Variants in RB1 observed in about 807,000 individuals in gnomAD.
The protein encoded by RB1 is RB transcriptional corepressor 1, also known as retinoblastoma-associated protein.
RB1 carries 18 observed loss-of-function variants against 135.4 expected under a neutral mutation model. The ratio of observed to expected loss-of-function variants is 0.13; its 90% CI spans 0.09 to 0.20. The LOEUF (loss-of-function observed/expected upper bound fraction) is 0.20. Ranked by LOEUF, RB1 falls within the 10% of genes least tolerant of loss-of-function variation. The probability of loss-of-function intolerance (pLI) is 1.00; values close to 1 mark genes in which losing one functional copy is unlikely to be tolerated. For missense variants in RB1, 868 were observed against 1,110.0 expected (o/e 0.78, Z 3.10); for synonymous variants, 365 against 373.2 (o/e 0.98, Z 0.25).
At chr13:48,313,429 GA>G (rs1952150040) in intron 2 of RB1, among the ~76,000 whole-genome samples, 1 of 150,680 alleles carries the variant, frequency 6.6e-6, no homozygotes, top group Non-Finnish European at 1.5e-5. Context: ...TTGTATCTAA[GA>G]AGGCCTTGAC....
At chr13:48,337,289 T>G (rs1952394134) in intron 2 of RB1, among the ~76,000 whole-genome samples, 1 of 152,178 alleles carries the variant, frequency 6.6e-6, no homozygotes, top group African/African-American at 2.4e-5. Context: ...TGTTAAAGTC[T>G]CCCATTATTA....
chr13:48,394,525 C>T (rs1384262184), intron 17 of RB1, among the ~76,000 whole-genome samples: 1 of 152,196 alleles, frequency 6.6e-6, no homozygotes, highest in African/African-American at 2.4e-5. Flanking sequence ...GCTGCCATCA[C>T]AGCAGTCTGA....
chr13:48,431,324 T>G (rs1372360280), intron 17 of RB1, among the ~76,000 whole-genome samples: 1 of 152,310 alleles, frequency 6.6e-6, no homozygotes, highest in South Asian at 2.1e-4. Flanking sequence ...CTTTTCTTTT[T>G]ATTATAGATG....
At chr13:48,408,576 T>G (rs2138191742) in intron 17 of RB1, 1 of 152,168 alleles carries the variant, frequency 6.6e-6, no homozygotes, top group Middle Eastern at 3.4e-3. Flanking sequence ...TAGGTTTTTC[T>G]GAATAAAGGG....
At chr13:48,369,682 C>G (rs1952738329) in intron 11 of RB1, among the ~76,000 whole-genome samples, 1 of 152,142 alleles carries the variant, frequency 6.6e-6, no homozygotes, top group Non-Finnish European at 1.5e-5. Flanking sequence ...TTTTGAAAAC[C>G]CTCGTACTTG....
intron 17 of RB1, among the ~76,000 whole-genome samples, chr13:48,428,619 A>G (rs1171560705): frequency 6.6e-6 from 1 of 152,258 alleles, no homozygotes; most frequent in African/African-American, 2.4e-5. Flanking sequence ...TTAAAACACT[A>G]AATTCTAACA....
At position 48,367,517 on chromosome 13, in the gene RB1, C is replaced by T. The variant is rs377235036; in HGVS notation, c.963C>T (p.Tyr321=). Residue 321 remains tyrosine, a synonymous_variant, in exon 10 of 27, where the codon TAC becomes TAT. Coordinates refer to ENST00000267163, the MANE Select transcript of RB1 (RefSeq NM_000321.3). The stretch of plus-strand genomic sequence containing the variant: ...AGGTTGAAAATCTTTCTAAACGATA[C>T]GAAGAAATTTATCTTAAAAATAAAG... ...LPEVENLSKR[Y]EEIYLKNKDL... 29 of 1,603,250 alleles carry T rather than the reference C, an allele frequency of 1.8e-5. No homozygotes were observed. The highest frequency in any genetic ancestry group is 3.3e-4 in the Middle Eastern group (2 of 6,024).
intron 17 of RB1, among the ~76,000 whole-genome samples, chr13:48,435,066 A>T (rs1368431990): frequency 1.3e-5 from 2 of 152,214 alleles, no homozygotes; most frequent in African/African-American, 2.4e-5. Context: ...TTTCTCTGGG[A>T]TAAATGCCTA....
At chr13:48,458,753 A>G (rs1442583848) in intron 19 of RB1, among the ~76,000 whole-genome samples, 1 of 152,214 alleles carries the variant, frequency 6.6e-6, no homozygotes, top group Non-Finnish European at 1.5e-5. Flanking sequence ...TCTTTATATG[A>G]TATTTAAAGT....
rs1949162615 is a variant in RB1, at chr13:48,434,538, A to T, written c.1696-18455A>T. Among the ~76,000 whole-genome samples the T allele has an allele frequency of 3.3e-5, 5 of 152,186 alleles. 1 individual carries two copies. In the South Asian group the frequency reaches 1.0e-3, roughly 32 times the overall value. ...CAGCAGAAGGCACCCAGCCACAAAA[A>T]ACACCCTGGCCCAGGAAGTCTCTTT... is the stretch of plus-strand genomic sequence containing the variant. On this transcript the variant is annotated intron_variant, in intron 17 of 26. Coordinates refer to ENST00000267163, the MANE Select transcript of RB1 (RefSeq NM_000321.3).
chr13:48,379,367 T>G, intron 13 of RB1, among the ~76,000 whole-genome samples: 1 of 152,128 alleles, frequency 6.6e-6, no homozygotes, highest in Non-Finnish European at 1.5e-5. Flanking sequence ...AAGTATGTTT[T>G]AAGAAAAGGC....
intron 17 of RB1, among the ~76,000 whole-genome samples, chr13:48,447,791 A>T (rs528192826): frequency 1.3e-5 from 2 of 152,270 alleles, no homozygotes; most frequent in Non-Finnish European, 2.9e-5. Flanking sequence ...ATATCTATAT[A>T]TCTGTGTGAC....
chr13:48,455,631 G>C (rs1208534204), intron 18 of RB1, among the ~76,000 whole-genome samples: 2 of 152,198 alleles, frequency 1.3e-5, no homozygotes, highest in African/African-American at 2.4e-5. Context: ...AGATTATTCT[G>C]TTAAATAGGG....
In RB1 at chr13:48,341,840, G is replaced by C. The variant is rs147101574; in HGVS notation, c.265-759G>C. 5.6e-3 allele frequency among the ~76,000 whole-genome samples: 845 copies of C among 152,030 alleles called. 5 individuals carry two copies. Among genetic ancestry groups the C allele is most frequent in the Middle Eastern group, 0.01 (3 of 292 alleles). On this transcript the variant is annotated intron_variant, in intron 2 of 26. Transcript: ENST00000267163. Reference sequence around the variant, plus strand: ...ATCTCCAGTTAAGAGTAAGTAAATAGTTCCAACTATTTAATGAACATTAAT... The same window carrying C: ...ATCTCCAGTTAAGAGTAAGTAAATACTTCCAACTATTTAATGAACATTAAT...
At chr13:48,372,742 A>G (rs978665122) in intron 11 of RB1, among the ~76,000 whole-genome samples, 2 of 152,218 alleles carry the variant, frequency 1.3e-5, no homozygotes, top group Non-Finnish European at 2.9e-5. Context: ...ATTTTACTAA[A>G]TAATAGTTGA....
At chr13:48,422,326 A>G (rs1410381165) in intron 17 of RB1, among the ~76,000 whole-genome samples, 1 of 152,086 alleles carries the variant, frequency 6.6e-6, no homozygotes, top group Non-Finnish European at 1.5e-5. Context: ...ATGAGAACAC[A>G]TGGACACAGG....
rs149723035 is a variant in RB1 at position 48,381,451 on chromosome 13, G to A, written c.1695+8G>A. The A allele has an allele frequency of 6.2e-7, 1 of 1,612,648 alleles. No homozygotes were observed. Among genetic ancestry groups the A allele is most frequent in the South Asian group, 1.1e-5 (1 of 91,018 alleles). ...TCCCTTGCATGGCTCTCAGTAAGTA[G>A]CTAAATAATTGAAGAAATTCATTCA... is the stretch of plus-strand genomic sequence containing the variant. On this transcript the variant is annotated splice_region_variant and intron_variant, in intron 17 of 26. Transcript: ENST00000267163.
chr13:48,462,671 T>A (rs558664309), intron 20 of RB1, among the ~76,000 whole-genome samples: 2 of 152,334 alleles, frequency 1.3e-5, no homozygotes, highest in East Asian at 3.9e-4. Flanking sequence ...CAGTGCCAAA[T>A]CTGAAGTTGT....
intron 2 of RB1, among the ~76,000 whole-genome samples, chr13:48,308,851 G>C (rs1952108341): frequency 2.0e-5 from 3 of 152,108 alleles, no homozygotes; most frequent in Admixed American, 2.0e-4. Context: ...ATAAATTTGA[G>C]ATTATACATG....
Sources: allele counts gnomAD v4.1 joint callset (sites outside exome capture counted in the v4.1 genomes callset), GRCh38; gene constraint gnomAD v4.1.1; transcripts MANE v1.5; gene names NCBI Gene and HGNC (gene_info 2026-07-23, HGNC 2026-07-21).